RPTOR: variants seen among roughly 807,000 people sequenced by gnomAD.
The protein encoded by RPTOR is regulatory-associated protein of mTOR.
A neutral mutation model predicts 169.9 loss-of-function variants in RPTOR; 21 were observed. That is an observed-to-expected ratio of 0.12 (90% CI 0.09 to 0.18). The LOEUF (loss-of-function observed/expected upper bound fraction) is 0.18. Among genes scored for constraint, RPTOR ranks in the 10% least tolerant of loss-of-function variants. The pLI, the probability that RPTOR is intolerant of heterozygous loss-of-function variation, is 1.00. For missense variants in RPTOR, 1,133 were observed against 1,855.9 expected, an observed-to-expected ratio of 0.61 and a Z score of 7.16; for synonymous variants, 732 against 753.2, an observed-to-expected ratio of 0.97 and a Z score of 0.46.
At chr17:80,584,732 C>G (rs1199165127) in intron 1 of RPTOR, among the ~76,000 whole-genome samples, 2 of 152,210 alleles carry the variant, frequency 1.3e-5, no homozygotes, top group African/African-American at 4.8e-5. Context: ...TGGACGCCAT[C>G]ATGTGTTTAC....
intron 6 of RPTOR, among the ~76,000 whole-genome samples, chr17:80,764,881 G>T (rs2066771213): frequency 6.6e-6 from 1 of 152,090 alleles, no homozygotes; most frequent in African/African-American, 2.4e-5. Flanking sequence ...GTATCTCATT[G>T]TGGTTTTGAT....
At chr17:80,784,871 GT>G (rs893078404) in intron 6 of RPTOR, among the ~76,000 whole-genome samples, 1 of 151,634 alleles carries the variant, frequency 6.6e-6, no homozygotes, top group African/African-American at 2.4e-5. Flanking sequence ...GCTAATGCTG[GT>G]TTTTTTTGTT....
chr17:80,742,923 C>A (rs1377881968), intron 5 of RPTOR, among the ~76,000 whole-genome samples: 2 of 149,824 alleles, frequency 1.3e-5, no homozygotes, highest in African/African-American at 4.9e-5. Context: ...CTCATACATG[C>A]ACATCTACAC....
intron 3 of RPTOR, among the ~76,000 whole-genome samples, chr17:80,688,750 C>T (rs111394861): frequency 7.2e-5 from 11 of 152,170 alleles, no homozygotes; most frequent in Non-Finnish European, 1.3e-4. Context: ...GTTAATTTTG[C>T]GGTTACTGTT....
At chr17:80,797,897 CA>C (rs1033633355) in intron 7 of RPTOR, among the ~76,000 whole-genome samples, 4 of 152,182 alleles carry the variant, frequency 2.6e-5, no homozygotes, top group African/African-American at 9.7e-5. Flanking sequence ...GCCCACGTGT[CA>C]GGGGAGACAG....
chr17:80,643,614 T>C lies in RPTOR; in HGVS notation c.266-114T>C, dbSNP rs1347505243. The C allele has an allele frequency of 2.0e-5, 14 of 706,862 alleles. No individual in the cohort carries two copies. The East Asian group carries it at 3.9e-4, about 20-fold the overall frequency. The allele number at this position is 706,862 out of a possible 1,614,324, so 43.8% of individuals were successfully genotyped here. ...GATCAACCTTAGGCGTTGTGTTACT[T>C]TTAGTCAAAGGTGACTTTGAAGTGT... On this transcript the variant is annotated intron_variant, in intron 2 of 33. Transcript: ENST00000306801.
chr17:80,822,116 C>T (rs1598330043), intron 7 of RPTOR, 85 bp from the exon 8 acceptor site: 17 of 1,273,052 alleles, frequency 1.3e-5, no homozygotes, highest in Non-Finnish European at 1.7e-5. Context: ...TTTCGCCGCC[C>T]GCGCCCTTTT....
At chr17:80,660,045 C>T (rs186718949) in intron 3 of RPTOR, among the ~76,000 whole-genome samples, 8 of 152,034 alleles carry the variant, frequency 5.3e-5, no homozygotes, top group South Asian at 4.1e-4. Context: ...CCGAGGTGGG[C>T]GGATCATCTG....
intron 1 of RPTOR, among the ~76,000 whole-genome samples, chr17:80,567,127 C>T (rs527242684): frequency 6.6e-6 from 1 of 151,936 alleles, no homozygotes; most frequent in African/African-American, 2.4e-5. Flanking sequence ...CATGCCACCA[C>T]ATCTGGCTAA....
At chr17:80,715,615 A>G (rs1024467598) in intron 4 of RPTOR, among the ~76,000 whole-genome samples, 2 of 148,362 alleles carry the variant, frequency 1.3e-5, no homozygotes, top group Non-Finnish European at 3.0e-5. Context: ...TTATTTTTCC[A>G]TAGGTTATTG....
At chr17:80,838,049 G>T in intron 10 of RPTOR, 52 bp downstream of exon 10, 1 of 1,498,428 alleles carries the variant, frequency 6.7e-7, no homozygotes. Context: ...CCACTTCTCT[G>T]GGCACCTGGA....
intron 4 of RPTOR, among the ~76,000 whole-genome samples, chr17:80,712,155 G>A (rs1176363537): frequency 1.3e-5 from 2 of 151,996 alleles, no homozygotes; most frequent in Non-Finnish European, 2.9e-5. Flanking sequence ...TTCCTCTATT[G>A]TTAATATCTT....
chr17:80,891,897 C>T, intron 18 of RPTOR, 60 bp downstream of exon 18: 8 of 1,211,736 alleles, frequency 6.6e-6, no homozygotes, highest in South Asian at 2.5e-5. Flanking sequence ...TAGTGCAGGC[C>T]GCGGCCCAGT....
At chr17:80,785,685 G>A (rs895528877) in intron 6 of RPTOR, among the ~76,000 whole-genome samples, 9 of 150,330 alleles carry the variant, frequency 6.0e-5, no homozygotes, top group Non-Finnish European at 1.2e-4. Flanking sequence ...GCTTTCCCCC[G>A]GCCCCTTGAC....
At chr17:80,958,387 G>C (rs1179737369) in intron 29 of RPTOR, among the ~76,000 whole-genome samples, 2 of 145,500 alleles carry the variant, frequency 1.4e-5, no homozygotes, top group Non-Finnish European at 3.0e-5. Flanking sequence ...CGCTACAGAA[G>C]ACAGAAGATT....
chr17:80,839,951 A>G (rs1484231606), intron 10 of RPTOR, among the ~76,000 whole-genome samples: 2 of 152,220 alleles, frequency 1.3e-5, no homozygotes, highest in African/African-American at 2.4e-5. Flanking sequence ...TGATTTCACC[A>G]TGTTGGGGTG....
Position 80,707,829 on chromosome 17 carries a change from C to G in RPTOR, c.349-12C>G, listed in dbSNP as rs369124488. ...TCCGTGGTAAATTTCTTCATTTCTT[C>G]TCCTGCAACAGGCCCGGTACAAGCA... On this transcript the variant is annotated splice_polypyrimidine_tract_variant and intron_variant, in intron 3 of 33. Transcript: ENST00000306801. The surrounding 1 kb of genome is among the most constrained non-coding windows in gnomAD (Gnocchi z 5.0). 26 of 1,606,386 alleles carry G rather than the reference C, an allele frequency of 1.6e-5. No homozygotes were observed. The highest frequency in any genetic ancestry group is 1.7e-4 in the Middle Eastern group (1 of 6,052).
At chr17:80,777,370 T>C (rs1013287723) in intron 6 of RPTOR, among the ~76,000 whole-genome samples, 2 of 152,194 alleles carry the variant, frequency 1.3e-5, no homozygotes, top group African/African-American at 4.8e-5. Flanking sequence ...ATTTTAGATA[T>C]GTGGTTGAAA....
At position 80,855,143 on chromosome 17, in the gene RPTOR, A is replaced by G. The variant is rs78403259; in HGVS notation, c.1315-321A>G. 1.0e-4 allele frequency among the ~76,000 whole-genome samples: 16 copies of G among 152,384 alleles called. No homozygotes were observed. The East Asian group carries it at 3.1e-3, about 29-fold the overall frequency. ...TTCAAGATCAGTAAGAGAAGTGTGG[A>G]CATAAAGAACAATGTCTGAGTTCAT... On this transcript the variant is annotated intron_variant, in intron 11 of 33. Coordinates refer to ENST00000306801, the MANE Select transcript of RPTOR (RefSeq NM_020761.3).
Sources: allele counts gnomAD v4.1 joint callset (sites outside exome capture counted in the v4.1 genomes callset), GRCh38; gene constraint gnomAD v4.1.1; non-coding constraint Gnocchi (gnomAD v3.1); transcripts MANE v1.5; gene names NCBI Gene and HGNC (gene_info 2026-07-23, HGNC 2026-07-21).